PPM1D: variants seen among roughly 807,000 people sequenced by gnomAD.
The protein encoded by PPM1D is protein phosphatase 1D.
Under a neutral mutation model 58.3 loss-of-function variants are expected in PPM1D, and 52 were observed. The observed-to-expected ratio is 0.89, with a 90% confidence interval of 0.71 to 1.12. The LOEUF (loss-of-function observed/expected upper bound fraction) is 1.12, where lower values mean the gene tolerates loss of function less well. Among genes scored for constraint, PPM1D ranks in the 50% most tolerant of loss-of-function variants. The pLI is 0.00. For missense variants in PPM1D, 564 were observed against 777.2 expected (o/e 0.73, Z 3.26); for synonymous variants, 278 against 285.1 (o/e 0.98, Z 0.25).
rs2031551215 is a variant in PPM1D at position 60,662,998 on chromosome 17, C to G, written c.1264C>G (p.Leu422Val). 2 of 1,601,428 alleles carry G rather than the reference C, an allele frequency of 1.2e-6. No homozygotes were observed. The highest frequency in any genetic ancestry group is 3.5e-5 in the Admixed American group (2 of 56,832). Residue 422 changes from leucine to valine, a missense_variant, in exon 6 of 6, where the codon CTG becomes GTG. Around this residue, in one of 7 missense-constraint regions of PPM1D, gnomAD observed 261 missense variants for 270.1 expected, o/e 0.97. Transcript: ENST00000305921. ...GTTTTACCTTCTTATTTTTCAGTCA[C>G]TGGAGGAGGATCCATGGCCAAGGGT... ...SPCSTPPVKS[L>V]EEDPWPRVNS...
At chr17:60,652,057 T>C (rs1336931653) in intron 4 of PPM1D, among the ~76,000 whole-genome samples, 1 of 152,230 alleles carries the variant, frequency 6.6e-6, no homozygotes, top group African/African-American at 2.4e-5. Context: ...ACTATACATA[T>C]GACATTTACT....
intron 4 of PPM1D, among the ~76,000 whole-genome samples, chr17:60,651,970 C>G (rs935831290): frequency 6.6e-6 from 1 of 151,996 alleles, no homozygotes; most frequent in Non-Finnish European, 1.5e-5. Context: ...AAGAGAAAAG[C>G]ACAAAAAAGT....
At chr17:60,662,716 G>T (rs35548622) in intron 5 of PPM1D, among the ~76,000 whole-genome samples, 3 of 152,000 alleles carry the variant, frequency 2.0e-5, no homozygotes, top group African/African-American at 7.2e-5. Flanking sequence ...TTGTGACCAC[G>T]TGAATTTTCA....
At chr17:60,657,949 C>A (rs1041357125) in intron 5 of PPM1D, among the ~76,000 whole-genome samples, 1 of 152,118 alleles carries the variant, frequency 6.6e-6, no homozygotes, top group African/African-American at 2.4e-5. Context: ...CCATGTTGTC[C>A]AAGCTGGTCT....
rs2031224099 is a variant in PPM1D at position 60,645,524 on chromosome 17, A to ATATATATATGTGTATATATG, written c.827-2349_827-2348insGTATATATATGTGTATATAT. Among the ~76,000 whole-genome samples the ATATATATATGTGTATATATG allele has an allele frequency of 7.0e-5, 8 of 114,448 alleles. 1 individual carries two copies. The highest frequency in any genetic ancestry group is 5.1e-4 in the African/African-American group (8 of 15,774). 75.1% of individuals were successfully genotyped at this position (114,448 alleles called of 152,430 possible). Reference sequence around the variant, plus strand: ...TATATATATATGTGTATATATATGTATATATATATGTGTATATATATGTAT... The same window carrying ATATATATATGTGTATATATG: ...TATATATATATGTGTATATATATGTATATATATATGTGTATATATGTATATATATGTGTATATATATGTAT... On this transcript the variant is annotated intron_variant, in intron 3 of 5. Coordinates refer to ENST00000305921, the MANE Select transcript of PPM1D (RefSeq NM_003620.4).
intron 5 of PPM1D, among the ~76,000 whole-genome samples, chr17:60,657,383 G>A (rs1379998136): frequency 6.6e-6 from 1 of 152,206 alleles, no homozygotes; most frequent in African/African-American, 2.4e-5. Flanking sequence ...ATTTTAAGTA[G>A]ATATCATACT....
intron 1 of PPM1D, among the ~76,000 whole-genome samples, chr17:60,620,109 C>T (rs775693042): frequency 4.6e-5 from 7 of 152,146 alleles, no homozygotes; most frequent in South Asian, 2.1e-4. Flanking sequence ...AACTATTCTC[C>T]TGTCTCAGCC....
rs2143735278 is a variant in PPM1D at position 60,664,384 on chromosome 17, T to C, written c.*832T>C. Reference sequence around the variant, plus strand: ...CTATTTCAATAACAGATGGTGCTGCTAATTCCCAACATTTCTTAAATTATT... The same window carrying C: ...CTATTTCAATAACAGATGGTGCTGCCAATTCCCAACATTTCTTAAATTATT... On this transcript the variant is annotated 3_prime_UTR_variant, in exon 6 of 6. Coordinates refer to ENST00000305921, the MANE Select transcript of PPM1D (RefSeq NM_003620.4). 1 of 152,814 alleles carries C rather than the reference T, an allele frequency of 6.5e-6. No homozygotes were observed. Among genetic ancestry groups the C allele is most frequent in the Middle Eastern group, 3.4e-3 (1 of 294 alleles). The allele number at this position is 152,814 out of a possible 1,614,324, so 9.5% of individuals were successfully genotyped here.
At chr17:60,641,052 T>A (rs1373827759) in intron 3 of PPM1D, among the ~76,000 whole-genome samples, 3 of 152,200 alleles carry the variant, frequency 2.0e-5, no homozygotes, top group Non-Finnish European at 4.4e-5. Context: ...TGAATAGTGC[T>A]GCAATGAACA....
chr17:60,645,671 CAT>C (rs1465890194), intron 3 of PPM1D, among the ~76,000 whole-genome samples: 2 of 125,848 alleles, frequency 1.6e-5, no homozygotes, highest in Admixed American at 8.6e-5. Flanking sequence ...CACACACACA[CAT>C]ATACATATAC....
chr17:60,642,132 C>A (rs1175549990), intron 3 of PPM1D, among the ~76,000 whole-genome samples: 1 of 152,156 alleles, frequency 6.6e-6, no homozygotes, highest in Non-Finnish European at 1.5e-5. Context: ...TAGATAGAAT[C>A]ATATAGACTC....
In PPM1D at chr17:60,663,182, C is replaced by CT. The variant is rs773913732; in HGVS notation, c.1451dup (p.Leu484PhefsTer5). On this transcript the variant is annotated frameshift_variant, in exon 6 of 6. Coordinates refer to ENST00000305921, the MANE Select transcript of PPM1D (RefSeq NM_003620.4). LOFTEE classifies it high-confidence loss of function. ...GAAGAAAATTGCGCTAAAGCCCTGA[C>CT]TTTAAGGATACATGATTCTTTGAAT... 4 of 1,614,016 alleles carry CT rather than the reference C, an allele frequency of 2.5e-6. No individual in the cohort carries two copies. Among genetic ancestry groups the CT allele is most frequent in the Non-Finnish European group, 3.4e-6 (4 of 1,179,980 alleles).
At chr17:60,601,640 G>T (rs2030214304) in intron 1 of PPM1D, among the ~76,000 whole-genome samples, 1 of 152,114 alleles carries the variant, frequency 6.6e-6, no homozygotes, top group South Asian at 2.1e-4. Context: ...CCAACCGGTT[G>T]TTCCTAGTTT....
intron 1 of PPM1D, chr17:60,604,483 A>T (rs2030288359): frequency 6.6e-6 from 1 of 152,260 alleles, no homozygotes; most frequent in South Asian, 2.1e-4. Context: ...AGACAATCAC[A>T]GGTGCTTTTC....
intron 3 of PPM1D, among the ~76,000 whole-genome samples, chr17:60,636,949 G>A (rs1199999450): frequency 6.6e-6 from 1 of 150,826 alleles, no homozygotes; most frequent in Non-Finnish European, 1.5e-5. Flanking sequence ...ATGTGCGACA[G>A]CGCTCAGCCT....
chr17:60,650,506 G>A (rs1305075115), intron 4 of PPM1D, among the ~76,000 whole-genome samples: 5 of 151,992 alleles, frequency 3.3e-5, no homozygotes, highest in African/African-American at 4.8e-5. Context: ...AGCTGAGATC[G>A]TGCCACTGCA....
intron 1 of PPM1D, among the ~76,000 whole-genome samples, chr17:60,612,520 A>G (rs1349400831): frequency 6.6e-6 from 1 of 152,168 alleles, no homozygotes; most frequent in Admixed American, 6.5e-5. Context: ...TATGTAGGAG[A>G]CTGTCCTTGT....
chr17:60,613,657 G>A (rs1445886620), intron 1 of PPM1D, among the ~76,000 whole-genome samples: 1 of 152,234 alleles, frequency 6.6e-6, no homozygotes, highest in Non-Finnish European at 1.5e-5. Context: ...TGCACTTGTG[G>A]GCCAGCGCGA....
At chr17:60,606,284 C>T (rs528855767) in intron 1 of PPM1D, among the ~76,000 whole-genome samples, 1 of 152,266 alleles carries the variant, frequency 6.6e-6, no homozygotes, top group East Asian at 1.9e-4. Flanking sequence ...TTGTGTTTAT[C>T]CAGTTTTCTG....
Sources: gnomAD v4.1 joint callset for allele counts (sites outside exome capture counted in the v4.1 genomes callset) on GRCh38, gnomAD v4.1.1 for gene constraint, gnomAD v4.1.1 regional missense constraint, MANE v1.5 for transcripts, NCBI Gene and HGNC (gene_info 2026-07-23, HGNC 2026-07-21) for gene names.